LMLN: variants seen among roughly 807,000 people sequenced by gnomAD.
LMLN encodes leishmanolysin-like peptidase.
A neutral mutation model predicts 92.3 loss-of-function variants in LMLN; 70 were observed. The ratio of observed to expected loss-of-function variants is 0.76; its 90% CI spans 0.63 to 0.92. The LOEUF (loss-of-function observed/expected upper bound fraction) is 0.92. LMLN is among the 40% of genes least tolerant of loss of function. The pLI is 0.00. For synonymous variants in LMLN, 308 were observed against 296.2 expected, an observed-to-expected ratio of 1.04 and a Z score of -0.41; for missense variants, 691 against 814.6, an observed-to-expected ratio of 0.85 and a Z score of 1.85.
chr3:198,013,467 A>T (rs376357192), intron 11 of LMLN, among the ~76,000 whole-genome samples: 2,569 of 35,360 alleles, frequency 0.073, no homozygotes, highest in Middle Eastern at 0.13. Context: ...CTCTCCACCC[A>T]TCAGAGCCCC....
At chr3:198,005,667 C>G (rs1436309928) in intron 11 of LMLN, among the ~76,000 whole-genome samples, 1 of 148,722 alleles carries the variant, frequency 6.7e-6, no homozygotes, top group East Asian at 2.0e-4. Flanking sequence ...CAGAGTCTCA[C>G]TCTGTTGCCC....
intron 8 of LMLN, among the ~76,000 whole-genome samples, chr3:197,986,280 C>T (rs1721704437): frequency 6.6e-6 from 1 of 152,102 alleles, no homozygotes; most frequent in Admixed American, 6.6e-5. Flanking sequence ...GGCAGCGTGG[C>T]AAAACCCTGT....
chr3:197,983,659 T>C (rs1721620677), intron 6 of LMLN, among the ~76,000 whole-genome samples: 1 of 152,198 alleles, frequency 6.6e-6, no homozygotes, highest in African/African-American at 2.4e-5. Context: ...AGTGTTAGAA[T>C]TTGAGCCTTT....
chr3:197,974,247 G>C (rs1721306168), intron 1 of LMLN, 130 bp from the exon 2 acceptor site: 1 of 611,392 alleles, frequency 1.6e-6, no homozygotes, highest in Non-Finnish European at 2.9e-6. Flanking sequence ...TGCTGACACA[G>C]TGGAATATGG....
Position 198,042,376 on chromosome 3 carries a change from G to C in LMLN, c.*3709G>C, listed in dbSNP as rs548992787. ...TGCACTGCAGCCTGGATGACAGAGT[G>C]AGACTTTCTTGGGAAAAAAAAAAAT... is the stretch of plus-strand genomic sequence containing the variant. On this transcript the variant is annotated 3_prime_UTR_variant, in exon 16 of 16. Transcript: ENST00000330198. This position sits in a 1 kb window ranked among gnomAD's most constrained non-coding sequence, Gnocchi z 4.2. The C allele has an allele frequency of 6.6e-6, 1 of 151,070 alleles. No homozygotes were observed. The highest frequency in any genetic ancestry group is 1.5e-5 in the Non-Finnish European group (1 of 68,004). 9.4% of individuals were successfully genotyped at this position (151,070 alleles called of 1,614,324 possible).
chr3:198,037,726 C>T (rs1723272180), intron 15 of LMLN, among the ~76,000 whole-genome samples: 2 of 152,200 alleles, frequency 1.3e-5, no homozygotes, highest in South Asian at 4.1e-4. Flanking sequence ...GGCCTCATCT[C>T]CCTACTGCTA....
At chr3:197,996,386 C>A in intron 10 of LMLN, 104 bp downstream of exon 10, 1 of 631,216 alleles carries the variant, frequency 1.6e-6, no homozygotes, top group Non-Finnish European at 2.6e-6. Context: ...TGTTTACGTC[C>A]CTTTACCCCT....
intron 11 of LMLN, among the ~76,000 whole-genome samples, chr3:198,002,781 T>C (rs917838071): frequency 1.3e-5 from 2 of 152,222 alleles, no homozygotes; most frequent in Admixed American, 6.5e-5. Context: ...TTTATACTTA[T>C]GTCAAAGTAT....
At chr3:198,013,830 T>C (rs1283240371) in intron 11 of LMLN, among the ~76,000 whole-genome samples, 1 of 142,134 alleles carries the variant, frequency 7.0e-6, no homozygotes, top group African/African-American at 2.9e-5. Context: ...CGGACTTCTC[T>C]GTACCCTTCA....
chr3:197,977,181 T>C (rs927674380), intron 5 of LMLN, among the ~76,000 whole-genome samples: 1 of 152,234 alleles, frequency 6.6e-6, no homozygotes, highest in African/African-American at 2.4e-5. Flanking sequence ...TGTTAAGTTA[T>C]GGTATAACCA....
intron 11 of LMLN, among the ~76,000 whole-genome samples, chr3:198,005,516 G>T (rs550577506): frequency 2.4e-4 from 36 of 152,026 alleles, no homozygotes; most frequent in Non-Finnish European, 4.0e-4. Flanking sequence ...CAATATAAAT[G>T]CTATGGAAAT....
intron 11 of LMLN, among the ~76,000 whole-genome samples, chr3:198,005,485 G>T (rs565315137): frequency 2.2e-4 from 33 of 151,862 alleles, no homozygotes; most frequent in African/African-American, 7.7e-4. Flanking sequence ...ATTACTTCTG[G>T]GTTATTTATA....
chr3:197,996,033 C>A, intron 9 of LMLN, 142 bp from the exon 10 acceptor site: 5 of 433,006 alleles, frequency 1.2e-5, no homozygotes, highest in East Asian at 3.7e-5. Flanking sequence ...ATATTAAAAA[C>A]CATATTTTAA....
At chr3:197,977,893 T>C (rs1324051334) in intron 5 of LMLN, among the ~76,000 whole-genome samples, 1 of 151,970 alleles carries the variant, frequency 6.6e-6, no homozygotes, top group Non-Finnish European at 1.5e-5. Context: ...TATACACACG[T>C]TAATTCTGGA....
At chr3:197,976,468 A>G in intron 4 of LMLN, 130 bp from the exon 5 acceptor site, 1 of 564,148 alleles carries the variant, frequency 1.8e-6, no homozygotes. Flanking sequence ...TTTCTTAGCT[A>G]CTTTCCTGAC....
intron 11 of LMLN, among the ~76,000 whole-genome samples, chr3:198,011,516 T>C: frequency 6.6e-6 from 1 of 151,746 alleles, no homozygotes; most frequent in South Asian, 2.1e-4. Context: ...CTTAATCCAG[T>C]CTATCATTGT....
At chr3:197,998,204 A>G (rs1722078865) in intron 10 of LMLN, among the ~76,000 whole-genome samples, 1 of 152,232 alleles carries the variant, frequency 6.6e-6, no homozygotes, top group South Asian at 2.1e-4. Context: ...GCTTAGAAAG[A>G]TCATGTCCCA....
chr3:198,001,019 T>C (rs1722158120), intron 11 of LMLN, among the ~76,000 whole-genome samples: 1 of 152,180 alleles, frequency 6.6e-6, no homozygotes. Context: ...TCAGAAACTC[T>C]CTGTTTCTAA....
chr3:198,027,676 A>G (rs969249964), intron 14 of LMLN, among the ~76,000 whole-genome samples: 2 of 152,182 alleles, frequency 1.3e-5, no homozygotes, highest in African/African-American at 4.8e-5. Context: ...ACATTGTGCC[A>G]TGTATCAGAA....
Sources: allele counts gnomAD v4.1 joint callset (sites outside exome capture counted in the v4.1 genomes callset), GRCh38; gene constraint gnomAD v4.1.1; non-coding constraint Gnocchi (gnomAD v3.1); transcripts MANE v1.5; gene names NCBI Gene and HGNC (gene_info 2026-07-23, HGNC 2026-07-21).